NSG1: variants seen among roughly 807,000 people sequenced by gnomAD.
The protein encoded by NSG1 is neuronal vesicle trafficking associated 1, also known as neuronal vesicle trafficking-associated protein 1.
NSG1 carries 9 observed loss-of-function variants against 19.3 expected under a neutral mutation model. The ratio of observed to expected loss-of-function variants is 0.47; its 90% CI spans 0.28 to 0.81. NSG1 has a LOEUF of 0.81. Among genes scored for constraint, NSG1 ranks in the 40% least tolerant of loss-of-function variants. NSG1 has a pLI of 0.11. For synonymous variants in NSG1, 104 were observed against 107.0 expected, an observed-to-expected ratio of 0.97 and a Z score of 0.17; for missense variants, 236 against 242.4, an observed-to-expected ratio of 0.97 and a Z score of 0.18.
chr4:4,391,622 C>T, intron 3 of NSG1, 31 bp downstream of exon 3: 1 of 1,458,776 alleles, frequency 6.9e-7, no homozygotes, highest in Non-Finnish European at 9.5e-7. Flanking sequence ...TGAGATGCTG[C>T]TTTTGCCCCC....
At chr4:4,386,849 G>C (rs1235702484), upstream of NSG1, 1 of 152,010 alleles carries the variant, frequency 6.6e-6, no homozygotes, top group Non-Finnish European at 1.5e-5. Flanking sequence ...GTCCTCTCCC[G>C]CTCCCCTGTT....
chr4:4,395,592 G>C (rs556390258), intron 3 of NSG1, among the ~76,000 whole-genome samples: 2 of 152,130 alleles, frequency 1.3e-5, no homozygotes, highest in Non-Finnish European at 2.9e-5. Flanking sequence ...CTGGAGACAC[G>C]GGCATGATGG....
At chr4:4,391,666 C>T (rs997946848) in intron 3 of NSG1, 75 bp downstream of exon 3, 1 of 935,498 alleles carries the variant, frequency 1.1e-6, no homozygotes, top group Non-Finnish European at 1.6e-6. Flanking sequence ...AGATGCCCTG[C>T]AGGGAGGGCC....
chr4:4,396,955 G>A (rs557136504), intron 3 of NSG1, among the ~76,000 whole-genome samples: 1 of 152,188 alleles, frequency 6.6e-6, no homozygotes, highest in African/African-American at 2.4e-5. Context: ...GGATCCTGGG[G>A]CTGTGGTTGC....
At chr4:4,391,690 G>C (rs981168084) in intron 3 of NSG1, 99 bp downstream of exon 3, 1 of 713,800 alleles carries the variant, frequency 1.4e-6, no homozygotes, top group Admixed American at 2.8e-5. Context: ...GTTTGACGCC[G>C]TTTGTCTGGG....
chr4:4,417,214 C>T (rs1281985830), intron 4 of NSG1, 21 bp from the exon 5 acceptor site: 1 of 1,611,454 alleles, frequency 6.2e-7, no homozygotes, highest in Admixed American at 1.7e-5. Flanking sequence ...CGCGTGCTCT[C>T]AGTGGCCTCT....
At chr4:4,386,941 C>G (rs1168013733), upstream of NSG1, 6 of 152,060 alleles carry the variant, frequency 3.9e-5, no homozygotes, top group Non-Finnish European at 4.4e-5. Context: ...GCCGGGCGGG[C>G]GCTGCGTCAA....
chr4:4,387,566 C>T (rs1431412092), intron 1 of NSG1, 38 bp from the exon 2 acceptor site: 6 of 458,358 alleles, frequency 1.3e-5, no homozygotes, highest in Non-Finnish European at 2.5e-5. Context: ...CGCCCCGGGT[C>T]TTGCTTGTGG....
At chr4:4,396,775 G>T (rs942984651) in intron 3 of NSG1, among the ~76,000 whole-genome samples, 1 of 151,676 alleles carries the variant, frequency 6.6e-6, no homozygotes, top group South Asian at 2.1e-4. Flanking sequence ...ACATTCTCCA[G>T]TAAGCCCCTG....
intron 4 of NSG1, among the ~76,000 whole-genome samples, chr4:4,414,255 C>T (rs1486379161): frequency 5.3e-5 from 8 of 151,802 alleles, no homozygotes; most frequent in South Asian, 4.2e-4. Context: ...GTCCTGTGTC[C>T]GGCTGCAGAT....
At chr4:4,402,331 G>A (rs1475168220) in intron 3 of NSG1, among the ~76,000 whole-genome samples, 5 of 144,466 alleles carry the variant, frequency 3.5e-5, no homozygotes, top group Non-Finnish European at 6.0e-5. Flanking sequence ...TCAGCCCTCC[G>A]AGTAGCTGGG....
Position 4,400,590 on chromosome 4 carries a change from A to G in NSG1, c.247-8983A>G, listed in dbSNP as rs73793262. Among the ~76,000 whole-genome samples the G allele has an allele frequency of 8.3e-3, 1,272 of 152,336 alleles. 16 individuals are homozygous for G. The highest frequency in any genetic ancestry group is 0.029 in the African/African-American group (1,201 of 41,580). On this transcript the variant is annotated intron_variant, in intron 3 of 4. Coordinates refer to ENST00000621129, the MANE Select transcript of NSG1 (RefSeq NM_014392.5). ...GTTTTTCAATCTGTGAACACAGGGT[A>G]TCTTTCCTTTTATTTATATCCTCTT...
intron 4 of NSG1, among the ~76,000 whole-genome samples, chr4:4,416,609 A>G (rs1724559493): frequency 6.6e-6 from 1 of 152,194 alleles, no homozygotes; most frequent in African/African-American, 2.4e-5. Flanking sequence ...ATTTGCTGCC[A>G]GAATCCGCTT....
chr4:4,406,087 G>T (rs1400685909), intron 3 of NSG1, among the ~76,000 whole-genome samples: 1 of 152,154 alleles, frequency 6.6e-6, no homozygotes, highest in African/African-American at 2.4e-5. Flanking sequence ...GAGTGCAGTG[G>T]CGCGATCTTG....
chr4:4,411,466 A>G (rs1341881738), intron 4 of NSG1, among the ~76,000 whole-genome samples: 2 of 152,094 alleles, frequency 1.3e-5, no homozygotes, highest in Non-Finnish European at 2.9e-5. Flanking sequence ...ATGCCAGGCC[A>G]GGTGCAGTGG....
At chr4:4,415,650 T>C (rs1371473186) in intron 4 of NSG1, 14 of 154,428 alleles carry the variant, frequency 9.1e-5, no homozygotes, top group Non-Finnish European at 1.6e-4. Context: ...CATCTGTCCT[T>C]CTCCCTGGGC....
chr4:4,386,765 C>G (rs1722733848), upstream of NSG1: 1 of 153,112 alleles, frequency 6.5e-6, no homozygotes, highest in Non-Finnish European at 1.5e-5. Flanking sequence ...GCCCAGGCCG[C>G]CGCCCGGGGT....
intron 1 of NSG1, 43 bp from the exon 2 acceptor site, chr4:4,387,561 C>CCGGGGGTGGGTGGGGG: frequency 8.8e-7 from 1 of 1,141,990 alleles, no homozygotes; most frequent in East Asian, 2.7e-5. Flanking sequence ...CGCCCCGCCC[C>CCGGGGGTGGGTGGGGG]GGGTCTTGCT....
chr4:4,406,961 C>T (rs1363172453), intron 3 of NSG1, among the ~76,000 whole-genome samples: 3 of 152,206 alleles, frequency 2.0e-5, no homozygotes, highest in East Asian at 1.9e-4. Context: ...CTGCCTGCTT[C>T]ATCACAGCTC....
Sources: allele counts gnomAD v4.1 joint callset (sites outside exome capture counted in the v4.1 genomes callset), GRCh38; gene constraint gnomAD v4.1.1; transcripts MANE v1.5; gene names NCBI Gene and HGNC (gene_info 2026-07-23, HGNC 2026-07-21).